POLR2B: variants seen among roughly 807,000 people sequenced by gnomAD.
POLR2B encodes DNA-directed RNA polymerase II subunit RPB2.
POLR2B carries 57 observed loss-of-function variants against 144.6 expected under a neutral mutation model. The observed-to-expected ratio is 0.39, with a 90% CI of 0.32 to 0.49. The LOEUF (loss-of-function observed/expected upper bound fraction) is 0.49. POLR2B is among the 20% of genes least tolerant of loss of function. POLR2B has a pLI of 0.83. For missense variants in POLR2B, 595 were observed against 1,467.4 expected, an observed-to-expected ratio of 0.41 and a Z score of 9.71; for synonymous variants, 442 against 469.8, an observed-to-expected ratio of 0.94 and a Z score of 0.77.
At position 57,022,137 on chromosome 4, in the gene POLR2B, A is replaced by G. The variant is rs959003036; in HGVS notation, c.2421-15A>G. On this transcript the variant is annotated splice_polypyrimidine_tract_variant and intron_variant, in intron 17 of 24. Transcript: ENST00000314595. ...AAAGAAAATAGACTTTACCTTTAGA[A>G]CCATGTGTTTTTAGGTCTGTTTTCT... 1 of 1,478,516 alleles carries G rather than the reference A, an allele frequency of 6.8e-7. No individual in the cohort carries two copies. The highest frequency in any genetic ancestry group is 1.4e-5 in the African/African-American group (1 of 71,742). The allele number at this position is 1,478,516 out of a possible 1,614,324, so 91.6% of individuals were successfully genotyped here.
In POLR2B at chr4:57,031,063, CA is replaced by C; in HGVS notation, c.*78del. 1 of 913,310 alleles carries C rather than the reference CA, an allele frequency of 1.1e-6. No individual in the cohort carries two copies. The highest frequency in any genetic ancestry group is 1.8e-6 in the Non-Finnish European group (1 of 545,978). 56.6% of individuals were successfully genotyped at this position (913,310 alleles called of 1,614,324 possible). On this transcript the variant is annotated 3_prime_UTR_variant, in exon 25 of 25. Transcript: ENST00000314595. Reference sequence around the variant, plus strand: ...CTATTGTGTGGCTTTTTAAAAATGACAAATATGTACTGTGTTGTGATAAAAA... The same window carrying C: ...CTATTGTGTGGCTTTTTAAAAATGACAATATGTACTGTGTTGTGATAAAAA...
chr4:57,022,173 C>T lies in POLR2B; in HGVS notation c.2442C>T (p.Tyr814=), dbSNP rs553069992. The T allele has an allele frequency of 3.1e-6, 5 of 1,609,188 alleles. No homozygotes were observed. The highest frequency in any genetic ancestry group is 1.1e-5 in the South Asian group (1 of 90,808). Residue 814 remains tyrosine, a synonymous_variant, in exon 18 of 25, where the codon TAC becomes TAT. Coordinates refer to ENST00000314595, the MANE Select transcript of POLR2B (RefSeq NM_000938.3). ...GFFRSVFYRS[Y]KEQESKKGFD... ...TTAGGTCTGTTTTCTATCGCTCATA[C>T]AAAGAACAGGAGTCTAAAAAAGGAT...
In POLR2B at chr4:57,024,869, A is replaced by G; in HGVS notation, c.2965-17A>G. 1 of 1,290,510 alleles carries G rather than the reference A, an allele frequency of 7.7e-7. No individual in the cohort carries two copies. Among genetic ancestry groups the G allele is most frequent in the Non-Finnish European group, 1.1e-6 (1 of 899,710 alleles). 79.9% of individuals were successfully genotyped at this position (1,290,510 alleles called of 1,614,324 possible). ...AGACTGAAGCAACATTTTAAAGAGTACTTTTTTTTTTAAAAGGTATCGGCT... is the reference window on the plus strand; with the variant it reads ...AGACTGAAGCAACATTTTAAAGAGTGCTTTTTTTTTTAAAAGGTATCGGCT... On this transcript the variant is annotated splice_polypyrimidine_tract_variant and intron_variant, in intron 21 of 24. Coordinates refer to ENST00000314595, the MANE Select transcript of POLR2B (RefSeq NM_000938.3).
intron 1 of POLR2B, among the ~76,000 whole-genome samples, chr4:56,981,437 G>A (rs773084159): frequency 6.6e-6 from 1 of 152,266 alleles, no homozygotes; most frequent in Non-Finnish European, 1.5e-5. Flanking sequence ...ATATAAAATT[G>A]TCAGGTCAAA....
At chr4:57,012,268 G>A (rs1206332958) in intron 13 of POLR2B, among the ~76,000 whole-genome samples, 2 of 152,096 alleles carry the variant, frequency 1.3e-5, no homozygotes, top group African/African-American at 2.4e-5. Context: ...AGCTGGGCAT[G>A]GTAGCATGTG....
intron 3 of POLR2B, among the ~76,000 whole-genome samples, chr4:56,992,063 C>A (rs1722523118): frequency 6.6e-6 from 1 of 152,128 alleles, no homozygotes; most frequent in Admixed American, 6.5e-5. Flanking sequence ...AGGAGTAGAT[C>A]TCTAACACCT....
chr4:56,996,217 TG>T (rs1285702809), intron 6 of POLR2B, among the ~76,000 whole-genome samples: 1 of 143,376 alleles, frequency 7.0e-6, no homozygotes, highest in Non-Finnish European at 1.5e-5. Flanking sequence ...TGTGTGTGTG[TG>T]TGTGTGTGTG....
Position 56,990,808 on chromosome 4 carries a change from T to G in POLR2B, c.153T>G (p.Ile51Met). 1 of 1,613,548 alleles carries G rather than the reference T, an allele frequency of 6.2e-7. No homozygotes were observed. Among genetic ancestry groups the G allele is most frequent in the Non-Finnish European group, 8.5e-7 (1 of 1,179,534 alleles). The change falls in exon 3 of 25, where the codon ATT (isoleucine) becomes ATG (methionine). Residue 51 changes from isoleucine to methionine, a missense_variant. Physicochemically the swap from Ile to Met is conservative, Grantham distance 10 (BLOSUM62 1). Coordinates refer to ENST00000314595, the MANE Select transcript of POLR2B (RefSeq NM_000938.3). ...RQQLDSFDEFIQMSVQRIVED... is the reference protein window; with the variant it reads ...RQQLDSFDEFMQMSVQRIVED... ...AGCTGGATTCTTTTGATGAGTTTAT[T>G]CAGATGTCTGTTCAAAGAATTGTGG...
intron 1 of POLR2B, among the ~76,000 whole-genome samples, chr4:56,981,511 A>G (rs1463383384): frequency 6.6e-6 from 1 of 152,222 alleles, no homozygotes; most frequent in African/African-American, 2.4e-5. Flanking sequence ...TGATTGTACT[A>G]ATTTTGCATT....
At position 57,025,442 on chromosome 4, in the gene POLR2B, C is replaced by T. The variant is rs1363496733; in HGVS notation, c.3144C>T (p.Tyr1048=). The change falls in exon 23 of 25, where the codon TAC becomes TAT. Residue 1048 remains tyrosine, a synonymous_variant. Coordinates refer to ENST00000314595, the MANE Select transcript of POLR2B (RefSeq NM_000938.3). ...AAATATTTATTGGCCCCACTTATTACCAGCGTTTGAAGCATATGGTGGATG... is the reference window on the plus strand; with the variant it reads ...AAATATTTATTGGCCCCACTTATTATCAGCGTTTGAAGCATATGGTGGATG... The part of the protein sequence containing the change: ...TSQIFIGPTY[Y]QRLKHMVDDK... The T allele has an allele frequency of 6.2e-7, 1 of 1,612,092 alleles. No individual in the cohort carries two copies. The highest frequency in any genetic ancestry group is 2.2e-5 in the East Asian group (1 of 44,862).
chr4:57,017,951 C>T lies in POLR2B; in HGVS notation c.2323+223C>T, dbSNP rs1256251449. Among the ~76,000 whole-genome samples, 1 of 152,092 alleles carries T rather than the reference C, an allele frequency of 6.6e-6. No homozygotes were observed. The highest frequency in any genetic ancestry group is 1.5e-5 in the Non-Finnish European group (1 of 68,028). The stretch of plus-strand genomic sequence containing the variant: ...CACAGACTGATGGAAGCAATTAATT[C>T]CTGTTGGAAGTCTAGATCCAGTTTC... On this transcript the variant is annotated intron_variant, in intron 16 of 24. Transcript: ENST00000314595. The surrounding 1 kb of genome is among the most constrained non-coding windows in gnomAD (Gnocchi z 4.8).
chr4:56,989,366 T>G (rs1722439396), intron 2 of POLR2B, among the ~76,000 whole-genome samples: 1 of 152,266 alleles, frequency 6.6e-6, no homozygotes, highest in Non-Finnish European at 1.5e-5. Context: ...TTCTTTCCCA[T>G]TATGTGACAG....
chr4:57,009,632 G>C (rs372697759), intron 10 of POLR2B: 1 of 152,296 alleles, frequency 6.6e-6, no homozygotes, highest in East Asian at 1.9e-4. Context: ...AAATAGAATT[G>C]ATAGGGTATG....
chr4:56,988,149 C>G (rs1388224988), intron 2 of POLR2B, among the ~76,000 whole-genome samples: 1 of 152,052 alleles, frequency 6.6e-6, no homozygotes, highest in Non-Finnish European at 1.5e-5. Flanking sequence ...GATAGGAGCT[C>G]TGTTTCTGGT....
chr4:57,020,107 C>T (rs1031358948), intron 16 of POLR2B, among the ~76,000 whole-genome samples: 10 of 152,250 alleles, frequency 6.6e-5, no homozygotes, highest in Admixed American at 2.0e-4. Context: ...GATCTTGGTT[C>T]GCTGCAACCT....
At chr4:57,025,678 C>T (rs1168464662) in intron 23 of POLR2B, 141 bp downstream of exon 23, 1 of 588,924 alleles carries the variant, frequency 1.7e-6, no homozygotes, top group Non-Finnish European at 3.1e-6. Context: ...GATGGCCAGT[C>T]TTGTTGCATT....
At position 57,009,393 on chromosome 4, in the gene POLR2B, T is replaced by G. The variant is rs140062598; in HGVS notation, c.1405-968T>G. On this transcript the variant is annotated intron_variant, in intron 10 of 24. Transcript: ENST00000314595. ...GAGACTGGTAGGGGAAGGTTGTTTT[T>G]GGGGCTTCATTGAGGAGGACTTTAA... 5.0e-4 allele frequency among the ~76,000 whole-genome samples: 76 copies of G among 152,216 alleles called. 1 individual carries two copies. The South Asian group carries it at 0.014, about 28-fold the overall frequency.
At chr4:57,006,553 C>T (rs1186767317) in intron 9 of POLR2B, among the ~76,000 whole-genome samples, 4 of 152,224 alleles carry the variant, frequency 2.6e-5, no homozygotes, top group Non-Finnish European at 5.9e-5. Context: ...GATCTGCCCA[C>T]ATCAGCTTCC....
intron 4 of POLR2B, 41 bp downstream of exon 4, chr4:56,994,557 T>TAGAA: frequency 6.9e-7 from 1 of 1,454,924 alleles, no homozygotes; most frequent in Non-Finnish European, 9.6e-7. Flanking sequence ...GATACTGAAA[T>TAGAA]AGAATTTTGA....
Sources: gnomAD v4.1 joint callset for allele counts (sites outside exome capture counted in the v4.1 genomes callset) on GRCh38, gnomAD v4.1.1 for gene constraint, Gnocchi (gnomAD v3.1) non-coding constraint, MANE v1.5 for transcripts, NCBI Gene and HGNC (gene_info 2026-07-23, HGNC 2026-07-21) for gene names.